Variants in ZNF688 observed in about 807,000 individuals in gnomAD.
The protein encoded by ZNF688 is zinc finger protein 688.
A neutral mutation model predicts 13.2 loss-of-function variants in ZNF688; 10 were observed. The observed-to-expected ratio is 0.76, with a 90% confidence interval of 0.47 to 1.28. ZNF688 has a LOEUF of 1.28. ZNF688 is among the 50% of genes most tolerant of loss of function. ZNF688 has a pLI of 0.00. For missense variants in ZNF688, 381 were observed against 391.4 expected (o/e 0.97, Z 0.22); for synonymous variants, 160 against 159.4 (o/e 1.00, Z -0.03).
chr16:30,571,209 G>GGTT, intron 1 of ZNF688, 86 bp from the exon 2 acceptor site: 1 of 1,522,590 alleles, frequency 6.6e-7, no homozygotes, highest in Non-Finnish European at 8.8e-7. Flanking sequence ...GCACCCCCTC[G>GGTT]GAGCTTATAC....
Position 30,571,194 on chromosome 16 carries a change from T to G in ZNF688, c.197-71A>C. 6 of 1,527,178 alleles carry G rather than the reference T, an allele frequency of 3.9e-6. No individual in the cohort carries two copies. In the South Asian group the frequency reaches 7.4e-5, roughly 19 times the overall value. The allele number at this position is 1,527,178 out of a possible 1,614,324, so 94.6% of individuals were successfully genotyped here. A position where few individuals can be genotyped will look rare whatever the true frequency, so the allele number is the denominator to read the frequency against. On this transcript the variant is annotated intron_variant, in intron 1 of 2. Coordinates refer to ENST00000223459, the MANE Select transcript of ZNF688 (RefSeq NM_145271.4). ...GGGAAGATGGCATTCCCCTCCAGGCTGAGGGCACCCCCTCGGAGCTTATAC... is the reference window on the plus strand; with the variant it reads ...GGGAAGATGGCATTCCCCTCCAGGCGGAGGGCACCCCCTCGGAGCTTATAC...
chr16:30,577,049 G>T (rs1221275187), upstream of ZNF688, among the ~76,000 whole-genome samples: 1 of 151,582 alleles, frequency 6.6e-6, no homozygotes, highest in Non-Finnish European at 1.5e-5. Flanking sequence ...TACAGGTGTG[G>T]ACCACCATGC....
rs2051649483 is a variant in ZNF688 at position 30,570,204 on chromosome 16, C to G, written c.543G>C (p.Arg181=). 1 of 1,612,112 alleles carries G rather than the reference C, an allele frequency of 6.2e-7. No homozygotes were observed. Among genetic ancestry groups the G allele is most frequent in the Non-Finnish European group, 8.5e-7 (1 of 1,179,480 alleles). ...GGCCGCAGTCCGTGCACACGTGGCG[C>G]CGCTGGCCGGCCTGAGCATCCATGC... ...IPSMDAQAGQ[R]RHVCTDCGRR... is the part of the protein sequence containing the mutation. The change falls in exon 3 of 3, where the codon CGG becomes CGC. Residue 181 remains arginine (R), a synonymous_variant. Transcript: ENST00000223459.
Position 30,569,837 on chromosome 16 carries a change from C to T in ZNF688, c.*79G>A, listed in dbSNP as rs1469446742. The T allele has an allele frequency of 1.8e-5, 27 of 1,474,156 alleles. No homozygotes were observed. Among genetic ancestry groups the T allele is most frequent in the Admixed American group, 2.4e-5 (1 of 41,030 alleles). 91.3% of individuals were successfully genotyped at this position (1,474,156 alleles called of 1,614,324 possible). On this transcript the variant is annotated 3_prime_UTR_variant, in exon 3 of 3. Coordinates refer to ENST00000223459, the MANE Select transcript of ZNF688 (RefSeq NM_145271.4). ...AGGGCATGAATTTCAGTTCCGGAGT[C>T]CCCGACTCAGTGGCCCACCTCAGGG...
At chr16:30,572,296 T>G, upstream of ZNF688, 1 of 1,468,782 alleles carries the variant, frequency 6.8e-7, no homozygotes, top group Non-Finnish European at 9.1e-7. Context: ...CGGGATTGTG[T>G]CCCCTACGGT....
At chr16:30,575,618 G>A (rs891642116), upstream of ZNF688, among the ~76,000 whole-genome samples, 5 of 151,172 alleles carry the variant, frequency 3.3e-5, no homozygotes, top group East Asian at 5.8e-4. Flanking sequence ...ACTAACTTAC[G>A]TTCCCACCAA....
the ZNF688 span, chr16:30,579,437 G>C: frequency 2.1e-5 from 4 of 187,410 alleles, no homozygotes; most frequent in Non-Finnish European, 4.5e-5. Flanking sequence ...GCCCAGGCTG[G>C]AGTGCAATGG....
At chr16:30,578,079 C>T in the ZNF688 span, among the ~76,000 whole-genome samples, 1 of 152,184 alleles carries the variant, frequency 6.6e-6, no homozygotes, top group Non-Finnish European at 1.5e-5. Flanking sequence ...TGGCTAACAC[C>T]TGTAATCCTA....
upstream of ZNF688, among the ~76,000 whole-genome samples, chr16:30,575,671 T>C (rs971159657): frequency 8.5e-5 from 13 of 152,056 alleles, no homozygotes; most frequent in Non-Finnish European, 1.2e-4. Context: ...CTTTTTTTTT[T>C]TGGAGAAGGA....
At chr16:30,576,746 T>G (rs567479761), upstream of ZNF688, among the ~76,000 whole-genome samples, 1 of 152,262 alleles carries the variant, frequency 6.6e-6, no homozygotes, top group Non-Finnish European at 1.5e-5. Flanking sequence ...ATTTTGATTC[T>G]CCTTCTATTA....
At chr16:30,573,009 C>T (rs2051710999), upstream of ZNF688, among the ~76,000 whole-genome samples, 1 of 152,190 alleles carries the variant, frequency 6.6e-6, no homozygotes, top group East Asian at 1.9e-4. Context: ...CAGGTTCAAG[C>T]GATTCTCCTG....
Position 30,571,540 on chromosome 16 carries a change from G to A in ZNF688, c.90C>T (p.Asp30=). Residue 30 remains aspartate (D), a synonymous_variant, in exon 1 of 3, where the codon GAC becomes GAT. Transcript: ENST00000223459. ...CCTCCGGGGAGAAGTACACGGCCACGTCCGCGAAGCTCACAGTCCCGGGCT... is the reference window on the plus strand; with the variant it reads ...CCTCCGGGGAGAAGTACACGGCCACATCCGCGAAGCTCACAGTCCCGGGCT... ...CRKPGTVSFA[D]VAVYFSPEEW... 1.3e-6 allele frequency: 2 copies of A among 1,585,668 alleles called. No individual in the cohort carries two copies. Among genetic ancestry groups the A allele is most frequent in the Non-Finnish European group, 1.7e-6 (2 of 1,166,894 alleles).
upstream of ZNF688, chr16:30,572,159 C>A: frequency 6.2e-7 from 1 of 1,604,332 alleles, no homozygotes; most frequent in Non-Finnish European, 8.5e-7. Context: ...CGATGATTGG[C>A]GACGATCCCG....
chr16:30,570,709 G>A (rs1432225600), intron 2 of ZNF688: 1 of 381,118 alleles, frequency 2.6e-6, no homozygotes, highest in Non-Finnish European at 4.6e-6. Context: ...GAAGTGCTCA[G>A]GAAGCAGGGG....
upstream of ZNF688, among the ~76,000 whole-genome samples, chr16:30,575,453 G>T (rs2051736822): frequency 6.6e-6 from 1 of 151,932 alleles, no homozygotes; most frequent in South Asian, 2.1e-4. Flanking sequence ...TGCCATGTTG[G>T]CTAGGCTATT....
Position 30,571,689 on chromosome 16 carries a change from C to T in ZNF688, c.-60G>A. On this transcript the variant is annotated 5_prime_UTR_variant, in exon 1 of 3. Coordinates refer to ENST00000223459, the MANE Select transcript of ZNF688 (RefSeq NM_145271.4). ...CCCTGGAGCCGCCGCCTCCCCGCTC[C>T]CGGCCTCAGCTGTCGTTGTCCACAG... 7.3e-7 allele frequency: 1 copy of T among 1,361,116 alleles called. No individual in the cohort carries two copies. Among genetic ancestry groups the T allele is most frequent in the Middle Eastern group, 2.8e-4 (1 of 3,626 alleles). The allele number at this position is 1,361,116 out of a possible 1,614,324, so 84.3% of individuals were successfully genotyped here. A position where few individuals can be genotyped will look rare whatever the true frequency, so the allele number is the denominator to read the frequency against.
At position 30,570,043 on chromosome 16, in the gene ZNF688, G is replaced by A. The variant is rs201261814; in HGVS notation, c.704C>T (p.Ser235Phe). 3 of 1,611,034 alleles carry A rather than the reference G, an allele frequency of 1.9e-6. No individual in the cohort carries two copies. Among genetic ancestry groups the A allele is most frequent in the Admixed American group, 1.7e-5 (1 of 59,852 alleles). ...AVEAHQWIHR[S>F]CSGGRRGRRP... ...CCGGCCCCGCCGCCCCCCGGAGCAG[G>A]AGCGGTGGATCCACTGGTGCGCTTC... Residue 235 changes from serine to phenylalanine, a missense_variant, in exon 3 of 3, where the codon TCC becomes TTC. Transcript: ENST00000223459.
chr16:30,572,540 G>A (rs1322671560), upstream of ZNF688: 1 of 385,624 alleles, frequency 2.6e-6, no homozygotes, highest in Non-Finnish European at 4.6e-6. Flanking sequence ...ATCGGAATGG[G>A]GAAGTTTTAA....
upstream of ZNF688, chr16:30,572,052 G>A: frequency 1.4e-6 from 2 of 1,430,924 alleles, no homozygotes; most frequent in Non-Finnish European, 1.8e-6. Flanking sequence ...GGGGGAGGCG[G>A]GGTGTCTGGG....
Sources: allele counts gnomAD v4.1 joint callset (sites outside exome capture counted in the v4.1 genomes callset), GRCh38; gene constraint gnomAD v4.1.1; transcripts MANE v1.5; gene names NCBI Gene and HGNC (gene_info 2026-07-23, HGNC 2026-07-21).